Variants in SERGEF observed in about 807,000 individuals in gnomAD.
SERGEF encodes the protein secretion-regulating guanine nucleotide exchange factor.
Under a neutral mutation model 50.0 loss-of-function variants are expected in SERGEF, and 51 were observed. The observed-to-expected ratio is 1.02, with a 90% CI of 0.81 to 1.29. SERGEF has a LOEUF of 1.29. SERGEF is among the 50% of genes most tolerant of loss of function. The probability of loss-of-function intolerance (pLI) is 0.00; values close to 1 mark genes in which losing one functional copy is unlikely to be tolerated. For synonymous variants in SERGEF, 205 were observed against 212.4 expected, an observed-to-expected ratio of 0.97 and a Z score of 0.30; for missense variants, 521 against 557.0, an observed-to-expected ratio of 0.94 and a Z score of 0.65.
chr11:17,935,064 C>T lies in SERGEF; in HGVS notation c.1011+24406G>A, dbSNP rs574944531. ...GTAGGCAGCCAAGTGATAAGGCTTC[C>T]TTCTCCCATCCCTGACTTTCCTATC... On this transcript the variant is annotated intron_variant, in intron 9 of 10. Transcript: ENST00000265965. Among the ~76,000 whole-genome samples, 3 of 152,308 alleles carry T rather than the reference C, an allele frequency of 2.0e-5. No individual in the cohort carries two copies. The East Asian group carries it at 5.8e-4, about 29-fold the overall frequency.
At chr11:17,859,414 C>T (rs552409367) in intron 10 of SERGEF, among the ~76,000 whole-genome samples, 7 of 151,994 alleles carry the variant, frequency 4.6e-5, no homozygotes, top group African/African-American at 1.7e-4. Context: ...AAAGTAAAAA[C>T]ATGCCCAAGA....
chr11:17,865,194 C>T (rs563718845), intron 10 of SERGEF, among the ~76,000 whole-genome samples: 1 of 152,300 alleles, frequency 6.6e-6, no homozygotes, highest in Admixed American at 6.5e-5. Context: ...AATGTTGTAA[C>T]ACAACACATT....
At chr11:17,924,191 A>T (rs564326236) in intron 9 of SERGEF, among the ~76,000 whole-genome samples, 2 of 152,240 alleles carry the variant, frequency 1.3e-5, no homozygotes, top group Non-Finnish European at 2.9e-5. Flanking sequence ...ACATTCAAAC[A>T]AATGGTTCTG....
chr11:17,965,337 G>T (rs183526165), intron 8 of SERGEF, among the ~76,000 whole-genome samples: 2 of 152,324 alleles, frequency 1.3e-5, no homozygotes, highest in Non-Finnish European at 2.9e-5. Flanking sequence ...GGAACTGTGA[G>T]TCAATTAAAC....
chr11:17,971,187 C>T (rs1206815699), intron 8 of SERGEF, among the ~76,000 whole-genome samples: 1 of 151,854 alleles, frequency 6.6e-6, no homozygotes, highest in Non-Finnish European at 1.5e-5. Context: ...CAGCGAGACT[C>T]CATCTAAAAA....
intron 4 of SERGEF, among the ~76,000 whole-genome samples, chr11:18,002,664 A>G (rs1031125267): frequency 6.6e-6 from 1 of 152,172 alleles, no homozygotes; most frequent in African/African-American, 2.4e-5. Context: ...GGGGATATAC[A>G]TGCATCTGTC....
At chr11:17,803,611 G>A (rs757978924) in intron 10 of SERGEF, among the ~76,000 whole-genome samples, 13 of 152,268 alleles carry the variant, frequency 8.5e-5, no homozygotes, top group Non-Finnish European at 1.3e-4. Flanking sequence ...ACTCCATCAC[G>A]TGACACACGC....
At chr11:17,845,270 C>T (rs927100580) in intron 10 of SERGEF, among the ~76,000 whole-genome samples, 1 of 152,164 alleles carries the variant, frequency 6.6e-6, no homozygotes, top group Non-Finnish European at 1.5e-5. Context: ...ATTTGATTTA[C>T]CTTTGGGGGC....
At chr11:17,937,666 A>G (rs1852481176) in intron 9 of SERGEF, among the ~76,000 whole-genome samples, 2 of 152,210 alleles carry the variant, frequency 1.3e-5, no homozygotes, top group African/African-American at 4.8e-5. Context: ...TTTCTATAAC[A>G]TGAAATTTAA....
At chr11:17,821,235 G>A (rs901704018) in intron 10 of SERGEF, among the ~76,000 whole-genome samples, 5 of 152,182 alleles carry the variant, frequency 3.3e-5, no homozygotes, top group Admixed American at 2.6e-4. Flanking sequence ...GCATAAATAT[G>A]AGAGAATAAA....
chr11:17,858,900 G>A (rs1364696536), intron 10 of SERGEF, among the ~76,000 whole-genome samples: 2 of 152,130 alleles, frequency 1.3e-5, no homozygotes, highest in Admixed American at 1.3e-4. Flanking sequence ...CTGATAGAGG[G>A]ATGCAGCCAT....
Position 17,794,563 on chromosome 11 carries a change from T to C in SERGEF, c.1049-6150A>G, listed in dbSNP as rs78506476. 9.6e-3 allele frequency among the ~76,000 whole-genome samples: 1,458 copies of C among 152,286 alleles called. 45 individuals are homozygous for C. The highest frequency in any genetic ancestry group is 0.071 in the South Asian group (343 of 4,818). The stretch of plus-strand genomic sequence containing the variant: ...AGGCGCCTTCACTAGTTCCAAACCA[T>C]GTGAAAATGGTAACAGAATCATTGA... On this transcript the variant is annotated intron_variant, in intron 10 of 10. Coordinates refer to ENST00000265965, the MANE Select transcript of SERGEF (RefSeq NM_012139.4).
chr11:17,797,980 C>G (rs1352603531), intron 10 of SERGEF, among the ~76,000 whole-genome samples: 1 of 152,092 alleles, frequency 6.6e-6, no homozygotes, highest in Non-Finnish European at 1.5e-5. Context: ...CCTTCCAATC[C>G]TGGAGAATTT....
rs542324825 is a variant in SERGEF, at chr11:17,854,164, C to CT, written c.1048+24043dup. Reference sequence around the variant, plus strand: ...AACACCATACCCTATAGCAGGGCCACTTAGCACAAACACTGTGTACATATA... The same window carrying CT: ...AACACCATACCCTATAGCAGGGCCACTTTAGCACAAACACTGTGTACATATA... On this transcript the variant is annotated intron_variant, in intron 10 of 10. Coordinates refer to ENST00000265965, the MANE Select transcript of SERGEF (RefSeq NM_012139.4). Among the ~76,000 whole-genome samples the CT allele has an allele frequency of 5.3e-5, 8 of 152,242 alleles. 1 individual carries two copies. In the South Asian group the frequency reaches 1.7e-3, roughly 32 times the overall value.
chr11:17,935,101 T>C (rs1300838373), intron 9 of SERGEF, among the ~76,000 whole-genome samples: 1 of 152,172 alleles, frequency 6.6e-6, no homozygotes, highest in African/African-American at 2.4e-5. Flanking sequence ...CTATTCCCAA[T>C]TCAACCAGAA....
At chr11:18,005,749 T>C (rs945954259) in intron 3 of SERGEF, among the ~76,000 whole-genome samples, 1 of 152,190 alleles carries the variant, frequency 6.6e-6, no homozygotes, top group African/African-American at 2.4e-5. Flanking sequence ...CTGCTGGCTG[T>C]TCCCAAGTGC....
intron 8 of SERGEF, among the ~76,000 whole-genome samples, chr11:17,979,539 C>T (rs1192396711): frequency 6.6e-5 from 10 of 152,238 alleles, no homozygotes; most frequent in South Asian, 6.2e-4. Flanking sequence ...GCAGCTCCTC[C>T]GGGCAGGGTT....
At chr11:17,998,420 AATAC>A (rs1313104622) in intron 5 of SERGEF, among the ~76,000 whole-genome samples, 2,389 of 55,650 alleles carry the variant, frequency 0.043, 177 homozygotes, top group African/African-American at 0.073. Flanking sequence ...CTATCTTAAA[AATAC>A]ATACATACAT....
intron 5 of SERGEF, 129 bp downstream of exon 5, chr11:18,000,368 G>C: frequency 1.6e-6 from 1 of 617,454 alleles, no homozygotes; most frequent in Non-Finnish European, 2.8e-6. Flanking sequence ...TAGACAGCTT[G>C]GGCTCAGGAG....
Sources: gnomAD v4.1 joint callset for allele counts (sites outside exome capture counted in the v4.1 genomes callset) on GRCh38, gnomAD v4.1.1 for gene constraint, MANE v1.5 for transcripts, NCBI Gene and HGNC (gene_info 2026-07-23, HGNC 2026-07-21) for gene names.